ATXN1: variants seen among roughly 807,000 people sequenced by gnomAD.
The protein encoded by ATXN1 is ataxin 1, also known as ataxin-1.
In ATXN1, 8 loss-of-function variants were observed where a neutral mutation model predicts 56.4. That is an observed-to-expected ratio of 0.14 (90% CI 0.08 to 0.26). The LOEUF is 0.26. Among genes scored for constraint, ATXN1 ranks in the 10% least tolerant of loss-of-function variants. The pLI, the probability that ATXN1 is intolerant of heterozygous loss-of-function variation, is 1.00. For missense variants in ATXN1, 987 were observed against 1,106.5 expected (o/e 0.89, Z 1.53); for synonymous variants, 514 against 494.6 (o/e 1.04, Z -0.52).
intron 5 of ATXN1, among the ~76,000 whole-genome samples, chr6:16,500,577 T>C (rs1760863848): frequency 6.6e-6 from 1 of 152,072 alleles, no homozygotes; most frequent in Non-Finnish European, 1.5e-5. Flanking sequence ...TGTACATAAG[T>C]GTATGTCCAC....
At chr6:16,316,863 G>GTTTTTTTTT (rs1561847571) in intron 7 of ATXN1, among the ~76,000 whole-genome samples, 3 of 84,242 alleles carry the variant, frequency 3.6e-5, no homozygotes, top group African/African-American at 2.5e-4. Flanking sequence ...GAGACTGCCT[G>GTTTTTTTTT]TCTTTTTTTT....
At chr6:16,573,169 G>T (rs901310966) in intron 4 of ATXN1, among the ~76,000 whole-genome samples, 1 of 152,154 alleles carries the variant, frequency 6.6e-6, no homozygotes, top group Non-Finnish European at 1.5e-5. Context: ...ACATTCCAGC[G>T]TAAGCAGATG....
At chr6:16,722,681 T>C (rs1226055248) in intron 2 of ATXN1, among the ~76,000 whole-genome samples, 2 of 152,188 alleles carry the variant, frequency 1.3e-5, no homozygotes, top group African/African-American at 4.8e-5. Flanking sequence ...TTATAAAGTC[T>C]CTGAGTCATG....
chr6:16,414,686 A>G (rs146927730), intron 6 of ATXN1, among the ~76,000 whole-genome samples: 1 of 152,338 alleles, frequency 6.6e-6, no homozygotes, highest in Non-Finnish European at 1.5e-5. Context: ...CTCTTCACTC[A>G]GGCCTTTTTA....
chr6:16,411,141 A>G (rs535932076), intron 6 of ATXN1, among the ~76,000 whole-genome samples: 72 of 150,700 alleles, frequency 4.8e-4, no homozygotes, highest in East Asian at 2.9e-3. Context: ...AAAAAAAAAA[A>G]AAAAGAAAAG....
intron 6 of ATXN1, among the ~76,000 whole-genome samples, chr6:16,456,025 A>G (rs755606095): frequency 2.0e-5 from 3 of 152,196 alleles, no homozygotes; most frequent in Non-Finnish European, 4.4e-5. Flanking sequence ...GGGACAAATA[A>G]GGGAATAAAA....
At chr6:16,636,047 T>C (rs1049445280) in intron 3 of ATXN1, among the ~76,000 whole-genome samples, 2 of 152,144 alleles carry the variant, frequency 1.3e-5, no homozygotes, top group Non-Finnish European at 2.9e-5. Context: ...AACACCTGAA[T>C]TGACACCACG....
chr6:16,657,456 G>GT (rs1228197992), intron 3 of ATXN1, among the ~76,000 whole-genome samples: 2 of 152,206 alleles, frequency 1.3e-5, no homozygotes, highest in South Asian at 4.1e-4. Context: ...CTAAAATGGA[G>GT]TATCTGGTAG....
chr6:16,545,745 T>C (rs1157782015), intron 4 of ATXN1, among the ~76,000 whole-genome samples: 1 of 152,204 alleles, frequency 6.6e-6, no homozygotes, highest in East Asian at 1.9e-4. Flanking sequence ...TGGAACTAAA[T>C]TTGTGCCCAT....
At chr6:16,344,896 C>G (rs1327097432) in intron 6 of ATXN1, among the ~76,000 whole-genome samples, 2 of 152,220 alleles carry the variant, frequency 1.3e-5, no homozygotes, top group Non-Finnish European at 2.9e-5. Context: ...CATTCCTAAA[C>G]TCTCAGCAAA....
At chr6:16,390,680 T>TACACACA (rs60238072) in intron 6 of ATXN1, among the ~76,000 whole-genome samples, 14,179 of 147,174 alleles carry the variant, frequency 0.096, 692 homozygotes, top group Non-Finnish European at 0.12. Context: ...AATAAACACA[T>TACACACA]CACACACACA....
At chr6:16,749,085 C>G (rs562562895) in intron 2 of ATXN1, among the ~76,000 whole-genome samples, 1 of 152,302 alleles carries the variant, frequency 6.6e-6, no homozygotes, top group South Asian at 2.1e-4. Context: ...TAGGTATATA[C>G]AGTATACACG....
intron 3 of ATXN1, among the ~76,000 whole-genome samples, chr6:16,591,505 T>C (rs976286918): frequency 1.3e-5 from 2 of 152,240 alleles, no homozygotes; most frequent in South Asian, 2.1e-4. Context: ...CTTAGTAATA[T>C]AAGGCAAAAT....
intron 4 of ATXN1, among the ~76,000 whole-genome samples, chr6:16,557,151 G>A (rs1196302796): frequency 1.3e-5 from 2 of 151,658 alleles, no homozygotes; most frequent in East Asian, 1.9e-4. Context: ...ATGGTAAAAC[G>A]CCGTCTCTAC....
chr6:16,391,697 G>A (rs10949354), intron 6 of ATXN1, among the ~76,000 whole-genome samples: 15,268 of 152,184 alleles, frequency 0.1, 1,210 homozygotes, highest in East Asian at 0.45. Flanking sequence ...GGAAGGCAGC[G>A]GAAGGTTCTG....
Position 16,760,571 on chromosome 6 carries a change from C to G in ATXN1, c.-730+727G>C, listed in dbSNP as rs371614720. 6.6e-6 allele frequency among the ~76,000 whole-genome samples: 1 copy of G among 151,566 alleles called. No individual in the cohort carries two copies. Among genetic ancestry groups the G allele is most frequent in the African/African-American group, 2.4e-5 (1 of 41,364 alleles). ...CCCCGAGGCCACCCCTCTGCGCCCC[C>G]CGCCCGGCACCCGGCCGCGCGCAAA... On this transcript the variant is annotated intron_variant, in intron 1 of 7. Transcript: ENST00000436367. The surrounding 1 kb of genome is among the most constrained non-coding windows in gnomAD (Gnocchi z 5.3).
chr6:16,626,497 G>C (rs1351744807), intron 3 of ATXN1, among the ~76,000 whole-genome samples: 1 of 152,006 alleles, frequency 6.6e-6, no homozygotes, highest in African/African-American at 2.4e-5. Context: ...TCACCATGTT[G>C]GCCAGGCTGT....
chr6:16,478,153 C>G (rs1321045469), intron 6 of ATXN1, among the ~76,000 whole-genome samples: 1 of 152,134 alleles, frequency 6.6e-6, no homozygotes, highest in African/African-American at 2.4e-5. Context: ...CTAATCTGTC[C>G]CCTATAGCAA....
At chr6:16,515,492 C>T (rs2113688801) in intron 5 of ATXN1, among the ~76,000 whole-genome samples, 1 of 152,286 alleles carries the variant, frequency 6.6e-6, no homozygotes, top group African/African-American at 2.4e-5. Context: ...GGACTCAGTC[C>T]TCCTCGCAGG....
Sources: allele counts gnomAD v4.1 joint callset (sites outside exome capture counted in the v4.1 genomes callset), GRCh38; gene constraint gnomAD v4.1.1; non-coding constraint Gnocchi (gnomAD v3.1); transcripts MANE v1.5; gene names NCBI Gene and HGNC (gene_info 2026-07-23, HGNC 2026-07-21).